PDE3A: variants seen among roughly 807,000 people sequenced by gnomAD.
PDE3A encodes the protein cGMP-inhibited 3',5'-cyclic phosphodiesterase 3A.
PDE3A carries 43 observed loss-of-function variants against 98.3 expected under a neutral mutation model. The observed-to-expected ratio is 0.44, with a 90% CI of 0.34 to 0.56. PDE3A has a LOEUF of 0.56. Ranked by LOEUF, PDE3A falls within the 20% of genes least tolerant of loss-of-function variation. The pLI is 0.01. For missense variants in PDE3A, 1,427 were observed against 1,440.7 expected (o/e 0.99, Z 0.15); for synonymous variants, 663 against 567.9 (o/e 1.17, Z -2.38).
rs1436747146 is a variant in PDE3A, at chr12:20,370,187, C to A, written c.903C>A (p.Ser301=). ...RSSSVVSAEM[S]GCSSKSHRRT... ...GCTCCGTCGTGTCCGCCGAGATGTC[C>A]GGCTGCAGCAGCAAGTCCCATCGGA... is the stretch of plus-strand genomic sequence containing the variant. The change falls in exon 1 of 16, where the codon TCC becomes TCA. Residue 301 remains serine (S), a synonymous_variant. Coordinates refer to ENST00000359062, the MANE Select transcript of PDE3A (RefSeq NM_000921.5). The A allele has an allele frequency of 3.7e-6, 6 of 1,610,066 alleles. No individual in the cohort carries two copies. The highest frequency in any genetic ancestry group is 3.3e-4 in the Middle Eastern group (2 of 6,028).
chr12:20,418,209 C>G (rs1246584698), intron 1 of PDE3A, among the ~76,000 whole-genome samples: 1 of 152,134 alleles, frequency 6.6e-6, no homozygotes, highest in Admixed American at 6.5e-5. Context: ...TGAACTCCTC[C>G]TTCTGTAAGC....
At chr12:20,556,954 T>G in intron 2 of PDE3A, 1 of 500,586 alleles carries the variant, frequency 2.0e-6, no homozygotes, top group South Asian at 2.8e-5. Flanking sequence ...GAATATAGAT[T>G]TTATATTCAT....
intron 2 of PDE3A, among the ~76,000 whole-genome samples, chr12:20,558,475 T>C (rs1339025987): frequency 1.3e-5 from 2 of 151,978 alleles, no homozygotes; most frequent in Admixed American, 6.6e-5. Flanking sequence ...ATAGCTATTC[T>C]AAATATAGTA....
chr12:20,551,637 C>T, intron 1 of PDE3A: 14 of 1,585,202 alleles, frequency 8.8e-6, no homozygotes, highest in Non-Finnish European at 1.2e-5. Context: ...GCGATGAGTG[C>T]GACATGGCCT....
intron 1 of PDE3A, among the ~76,000 whole-genome samples, chr12:20,380,021 T>C (rs545403219): frequency 6.6e-6 from 1 of 151,960 alleles, no homozygotes; most frequent in South Asian, 2.1e-4. Flanking sequence ...GTTTTTCACA[T>C]TCAACTAATA....
At chr12:20,463,622 G>A (rs1361613943) in intron 1 of PDE3A, among the ~76,000 whole-genome samples, 2 of 152,090 alleles carry the variant, frequency 1.3e-5, no homozygotes, top group Non-Finnish European at 2.9e-5. Flanking sequence ...ATGTATAGCT[G>A]CAAATAGAAA....
chr12:20,517,803 A>T (rs1453276425), intron 1 of PDE3A, among the ~76,000 whole-genome samples: 1 of 152,154 alleles, frequency 6.6e-6, no homozygotes, highest in Non-Finnish European at 1.5e-5. Context: ...ATGGTTGTCA[A>T]ATTAGAATGT....
intron 1 of PDE3A, among the ~76,000 whole-genome samples, chr12:20,373,316 G>A (rs1245373714): frequency 1.3e-5 from 2 of 152,062 alleles, no homozygotes; most frequent in South Asian, 2.1e-4. Flanking sequence ...GTGGACTTTC[G>A]CATCCCAGAG....
chr12:20,369,541 G>A lies in PDE3A; in HGVS notation c.257G>A (p.Gly86Asp), dbSNP rs747794203. The change falls in exon 1 of 16, where the codon GGC (glycine) becomes GAC (aspartate). Residue 86 changes from glycine (G) to aspartate (D), a missense_variant. This residue lies in a region of PDE3A where 1,012 missense variants were observed against 886.5 expected (regional missense o/e 1.14). Coordinates refer to ENST00000359062, the MANE Select transcript of PDE3A (RefSeq NM_000921.5). The stretch of plus-strand genomic sequence containing the variant: ...GTGAGGCTGGTCCGCGGGGAGGTCG[G>A]CTGTGACCTGGAGCAGTGTAAGGAG... ...LLVRLVRGEVGCDLEQCKEAA... is the reference protein window; with the variant it reads ...LLVRLVRGEVDCDLEQCKEAA... 6.4e-7 allele frequency: 1 copy of A among 1,558,298 alleles called. No homozygotes were observed. Among genetic ancestry groups the A allele is most frequent in the Non-Finnish European group, 8.7e-7 (1 of 1,151,502 alleles).
chr12:20,499,629 C>T (rs1945984438), intron 1 of PDE3A, among the ~76,000 whole-genome samples: 1 of 152,108 alleles, frequency 6.6e-6, no homozygotes, highest in South Asian at 2.1e-4. Flanking sequence ...AAGTAGTGTA[C>T]ATTTTTTCTT....
intron 10 of PDE3A, among the ~76,000 whole-genome samples, chr12:20,642,057 TAATA>T (rs1292732793): frequency 6.6e-6 from 1 of 152,136 alleles, no homozygotes; most frequent in East Asian, 1.9e-4. Flanking sequence ...CTACTTGTTT[TAATA>T]TTTATTTTGG....
At chr12:20,492,667 C>A (rs1159985389) in intron 1 of PDE3A, among the ~76,000 whole-genome samples, 1 of 152,116 alleles carries the variant, frequency 6.6e-6, no homozygotes, top group African/African-American at 2.4e-5. Context: ...TAGAGAAATG[C>A]AGCCACTATT....
rs1245483481 is a variant in PDE3A at position 20,551,531 on chromosome 12, G to C, written c.961-5129G>C. 6 of 1,211,290 alleles carry C rather than the reference G, an allele frequency of 5.0e-6. No individual in the cohort carries two copies. The African/African-American group carries it at 7.7e-5, about 15-fold the overall frequency. 75.0% of individuals were successfully genotyped at this position (1,211,290 alleles called of 1,614,324 possible). On this transcript the variant is annotated intron_variant, in intron 1 of 15. Coordinates refer to ENST00000359062, the MANE Select transcript of PDE3A (RefSeq NM_000921.5). ...TGTCTGGTTAATTCCGATAACGAAC[G>C]AGACTCTGGCATGCTAACTAGTTAC...
Position 20,589,549 on chromosome 12 carries a change from A to T in PDE3A, c.1012-23894A>T, listed in dbSNP as rs550966792. On this transcript the variant is annotated intron_variant, in intron 2 of 15. Transcript: ENST00000359062. ...GCAGCAAGTATACCAAGAGCTTTGG[A>T]GTCTGGAGACCAGGGAGACTTAAAA... 5.3e-5 allele frequency among the ~76,000 whole-genome samples: 8 copies of T among 152,212 alleles called. No individual in the cohort carries two copies. The East Asian group carries it at 1.6e-3, about 30-fold the overall frequency.
chr12:20,395,353 T>C (rs769511212), intron 1 of PDE3A, among the ~76,000 whole-genome samples: 1 of 151,862 alleles, frequency 6.6e-6, no homozygotes, highest in South Asian at 2.1e-4. Flanking sequence ...AGTATTTATA[T>C]GGTTATACAG....
At chr12:20,515,072 G>T (rs1030927021) in intron 1 of PDE3A, among the ~76,000 whole-genome samples, 9 of 152,266 alleles carry the variant, frequency 5.9e-5, no homozygotes, top group Non-Finnish European at 1.2e-4. Flanking sequence ...TTTCATAATG[G>T]TATCAATCCC....
chr12:20,619,859 G>GA (rs1328632194), intron 4 of PDE3A, among the ~76,000 whole-genome samples: 13 of 148,792 alleles, frequency 8.7e-5, no homozygotes, highest in South Asian at 4.3e-4. Flanking sequence ...CTCTGAAATG[G>GA]AAAAAAAAAA....
At chr12:20,472,369 GAGT>G (rs1565560233) in intron 1 of PDE3A, among the ~76,000 whole-genome samples, 5 of 152,160 alleles carry the variant, frequency 3.3e-5, no homozygotes. Flanking sequence ...ATTTTATGGA[GAGT>G]TAGCTTTTGT....
rs147850094 is a variant in PDE3A, at chr12:20,400,149, G to T, written c.960+29905G>T. 6.5e-3 allele frequency among the ~76,000 whole-genome samples: 988 copies of T among 152,158 alleles called. 11 individuals are homozygous for T. The highest frequency in any genetic ancestry group is 0.022 in the African/African-American group (922 of 41,492). On this transcript the variant is annotated intron_variant, in intron 1 of 15. Coordinates refer to ENST00000359062, the MANE Select transcript of PDE3A (RefSeq NM_000921.5). ...TAGGAGTCCAGGAGCCAGGGATGCA[G>T]GTGTCATTTTACCTTCTAGTAGTCT...
Sources: allele counts gnomAD v4.1 joint callset (sites outside exome capture counted in the v4.1 genomes callset), GRCh38; gene constraint gnomAD v4.1.1; regional missense constraint gnomAD v4.1.1; transcripts MANE v1.5; gene names NCBI Gene and HGNC (gene_info 2026-07-23, HGNC 2026-07-21).